Variants in HMCN2 observed in about 807,000 individuals in gnomAD.
The protein encoded by HMCN2 is hemicentin 2, also known as hemicentin-2.
In HMCN2, 325 loss-of-function variants were observed where a neutral mutation model predicts 377.5. The observed-to-expected ratio is 0.86, with a 90% CI of 0.79 to 0.94. The LOEUF is 0.94. Ranked by LOEUF, HMCN2 falls within the 40% of genes least tolerant of loss-of-function variation. The probability of loss-of-function intolerance (pLI) is 0.00; values close to 1 mark genes in which losing one functional copy is unlikely to be tolerated. For synonymous variants in HMCN2, 2,007 were observed against 2,046.8 expected (o/e 0.98, Z 0.53); for missense variants, 4,543 against 4,725.3 (o/e 0.96, Z 1.13).
chr9:130,368,862 A>G (rs1232951609), intron 44 of HMCN2, among the ~76,000 whole-genome samples: 1 of 152,096 alleles, frequency 6.6e-6, no homozygotes, highest in African/African-American at 2.4e-5. Context: ...AGATGATCCA[A>G]TCACCTCCCA....
chr9:130,403,386 G>GA (rs1230929550), intron 79 of HMCN2, 58 bp downstream of exon 79: 7 of 1,281,956 alleles, frequency 5.5e-6, no homozygotes, highest in Non-Finnish European at 7.1e-6. Context: ...GTCTGGGCAG[G>GA]GGGGGAGTCC....
At position 130,410,572 on chromosome 9, in the gene HMCN2, G is replaced by A. The variant is rs1210895920; in HGVS notation, c.12881G>A (p.Arg4294Lys). The A allele has an allele frequency of 2.6e-6, 4 of 1,550,542 alleles. No individual in the cohort carries two copies. Among genetic ancestry groups the A allele is most frequent in the Non-Finnish European group, 3.5e-6 (4 of 1,146,992 alleles). The change falls in exon 85 of 98, where the codon AGG (arginine) becomes AAG (lysine). Residue 4294 changes from arginine to lysine, a missense_variant and splice_region_variant. Arg to Lys is a conservative substitution (Grantham distance 26, BLOSUM62 2). Transcript: ENST00000683500. Reference protein sequence around the residue: ...NGSLTIRRTERDDAGRYQCLA... With the variant: ...NGSLTIRRTEKDDAGRYQCLA... ...CTCCTCTCCTGTGCCCACTTGCAGA[G>A]GGACGATGCGGGACGGTACCAGTGC...
rs1045496179 is a variant in HMCN2, at chr9:130,304,272, A to G, written c.1544-458A>G. The stretch of plus-strand genomic sequence containing the variant: ...CTTCTTGTGGCTTTTTGCTATCCAG[A>G]TAGCAGTTTGCTTAGCGCTTTCCTC... On this transcript the variant is annotated intron_variant, in intron 10 of 97. Transcript: ENST00000683500. The surrounding 1 kb of genome is among the most constrained non-coding windows in gnomAD (Gnocchi z 4.3). 1.1e-4 allele frequency among the ~76,000 whole-genome samples: 17 copies of G among 152,148 alleles called. No individual in the cohort carries two copies. The highest frequency in any genetic ancestry group is 3.9e-4 in the African/African-American group (16 of 41,424).
chr9:130,410,738 G>A, intron 85 of HMCN2, 86 bp downstream of exon 85: 1 of 1,107,768 alleles, frequency 9.0e-7, no homozygotes, highest in Non-Finnish European at 1.3e-6. Context: ...GCAGACGGCA[G>A]GGCTGGGACT....
intron 14 of HMCN2, among the ~76,000 whole-genome samples, 197 bp downstream of exon 14, chr9:130,307,763 C>A (rs1819854221): frequency 6.6e-6 from 1 of 151,996 alleles, no homozygotes; most frequent in Non-Finnish European, 1.5e-5. Context: ...TGACACAGCT[C>A]ATGTAGGTAT....
At chr9:130,331,216 G>A (rs1035231056) in intron 22 of HMCN2, among the ~76,000 whole-genome samples, 16 of 151,636 alleles carry the variant, frequency 1.1e-4, no homozygotes, top group Non-Finnish European at 2.1e-4. Flanking sequence ...TCATCGCTAA[G>A]TCATTGCTCT....
intron 85 of HMCN2, among the ~76,000 whole-genome samples, chr9:130,413,680 C>T (rs1209979469): frequency 6.6e-6 from 1 of 152,104 alleles, no homozygotes; most frequent in Non-Finnish European, 1.5e-5. Flanking sequence ...TCCTGGGCCG[C>T]ATACTTGAGA....
At chr9:130,339,467 G>A (rs1770114284) in intron 23 of HMCN2, among the ~76,000 whole-genome samples, 1 of 152,160 alleles carries the variant, frequency 6.6e-6, no homozygotes, top group African/African-American at 2.4e-5. Flanking sequence ...GGTTTGCCTG[G>A]GGGTGTGAGA....
At chr9:130,352,888 G>A in intron 30 of HMCN2, 39 bp from the exon 31 acceptor site, 1 of 1,228,588 alleles carries the variant, frequency 8.1e-7, no homozygotes, top group Non-Finnish European at 1.1e-6. Context: ...AGAGGCCTCA[G>A]CGGCTGCCTG....
intron 62 of HMCN2, among the ~76,000 whole-genome samples, chr9:130,390,738 G>T (rs1842277150): frequency 6.6e-6 from 1 of 152,128 alleles, no homozygotes; most frequent in African/African-American, 2.4e-5. Flanking sequence ...GGGCAGGGCG[G>T]GGAGGGAGAG....
chr9:130,377,869 C>A, intron 53 of HMCN2, 70 bp downstream of exon 53: 1 of 968,520 alleles, frequency 1.0e-6, no homozygotes, highest in Non-Finnish European at 1.2e-6. Flanking sequence ...TGGCCCTCCG[C>A]AGGCCCCCAC....
At position 130,313,390 on chromosome 9, in the gene HMCN2, TTCCGAGC is replaced by T. The variant is rs1837368653; in HGVS notation, c.2350+3330_2350+3336del. Among the ~76,000 whole-genome samples the T allele has an allele frequency of 4.2e-3, 645 of 151,842 alleles. 2 individuals carry two copies. The highest frequency in any genetic ancestry group is 6.8e-3 in the Middle Eastern group (2 of 294). Reference sequence around the variant, plus strand: ...GCCTGCGAGGCACTGGTGGATTACCTTCCGAGCCTGGCATCTGCCAGTCAGGAGTCCT... The same window carrying T: ...GCCTGCGAGGCACTGGTGGATTACCTCTGGCATCTGCCAGTCAGGAGTCCT... On this transcript the variant is annotated intron_variant, in intron 15 of 97. Coordinates refer to ENST00000683500, the MANE Select transcript of HMCN2 (RefSeq NM_001291815.2).
rs910665850 is a variant in HMCN2 at position 130,347,984 on chromosome 9, C to A, written c.4025-561C>A. On this transcript the variant is annotated intron_variant, in intron 26 of 97. Coordinates refer to ENST00000683500, the MANE Select transcript of HMCN2 (RefSeq NM_001291815.2). This position sits in a 1 kb window ranked among gnomAD's most constrained non-coding sequence, Gnocchi z 5.1. ...TGTCCTCAGCAGGGAGAGCGCCCACCCCCACATCCAGGGTGCTATGTGCAG... is the reference window on the plus strand; with the variant it reads ...TGTCCTCAGCAGGGAGAGCGCCCACACCCACATCCAGGGTGCTATGTGCAG... 1 of 985,364 alleles carries A rather than the reference C, an allele frequency of 1.0e-6. No individual in the cohort carries two copies. The highest frequency in any genetic ancestry group is 1.2e-6 in the Non-Finnish European group (1 of 829,884). The allele number at this position is 985,364 out of a possible 1,614,324, so 61.0% of individuals were successfully genotyped here.
chr9:130,327,217 C>T (rs890054944), intron 21 of HMCN2, 93 bp from the exon 22 acceptor site: 1 of 152,338 alleles, frequency 6.6e-6, no homozygotes, highest in Non-Finnish European at 1.5e-5. Context: ...AGTACCGGCT[C>T]TGCCTCCTGG....
intron 85 of HMCN2, among the ~76,000 whole-genome samples, chr9:130,416,793 C>T (rs536793271): frequency 1.3e-5 from 2 of 151,854 alleles, no homozygotes; most frequent in African/African-American, 2.4e-5. Flanking sequence ...TCCTAGTCCC[C>T]AGGGCCTGTG....
Position 130,360,710 on chromosome 9 carries a change from A to T in HMCN2, c.5950+106A>T. Reference sequence around the variant, plus strand: ...CTGTCCACTCATCCATCCATCTACCACCCCATCCATCCGTTACCCCATCCA... The same window carrying T: ...CTGTCCACTCATCCATCCATCTACCTCCCCATCCATCCGTTACCCCATCCA... On this transcript the variant is annotated intron_variant, in intron 38 of 97. Coordinates refer to ENST00000683500, the MANE Select transcript of HMCN2 (RefSeq NM_001291815.2). The surrounding 1 kb of genome is among the most constrained non-coding windows in gnomAD (Gnocchi z 4.7). 1 of 525,372 alleles carries T rather than the reference A, an allele frequency of 1.9e-6. No homozygotes were observed. The highest frequency in any genetic ancestry group is 3.0e-6 in the Non-Finnish European group (1 of 338,328). 32.5% of individuals were successfully genotyped at this position (525,372 alleles called of 1,614,324 possible).
At chr9:130,406,757 G>A (rs1193178269) in intron 82 of HMCN2, 2 of 157,750 alleles carry the variant, frequency 1.3e-5, no homozygotes, top group South Asian at 2.0e-4. Context: ...CCTTGGGCAG[G>A]TATAATAGTT....
intron 49 of HMCN2, 82 bp downstream of exon 49, chr9:130,374,775 C>G: frequency 1.5e-6 from 1 of 651,088 alleles, no homozygotes; most frequent in Non-Finnish European, 1.9e-6. Flanking sequence ...AGACAACTTC[C>G]CACAAACCAT....
chr9:130,390,203 C>G (rs1842233430), intron 62 of HMCN2, among the ~76,000 whole-genome samples: 1 of 152,196 alleles, frequency 6.6e-6, no homozygotes, highest in Non-Finnish European at 1.5e-5. Context: ...GACTACTGCT[C>G]AACATTCACG....
Sources: gnomAD v4.1 joint callset for allele counts (sites outside exome capture counted in the v4.1 genomes callset) on GRCh38, gnomAD v4.1.1 for gene constraint, Gnocchi (gnomAD v3.1) non-coding constraint, MANE v1.5 for transcripts, NCBI Gene and HGNC (gene_info 2026-07-23, HGNC 2026-07-21) for gene names.